The following ZNRF2 variants were observed in gnomAD, a reference collection of about 807,000 sequenced individuals.
The protein encoded by ZNRF2 is E3 ubiquitin-protein ligase ZNRF2.
Under a neutral mutation model 20.4 loss-of-function variants are expected in ZNRF2, and 16 were observed. The ratio of observed to expected loss-of-function variants is 0.79; its 90% CI spans 0.53 to 1.19. The LOEUF is 1.19. Among genes scored for constraint, ZNRF2 ranks in the 50% most tolerant of loss-of-function variants. The probability of loss-of-function intolerance (pLI) is 0.00; values close to 1 mark genes in which losing one functional copy is unlikely to be tolerated. For synonymous variants in ZNRF2, 178 were observed against 144.9 expected, an observed-to-expected ratio of 1.23 and a Z score of -1.64; for missense variants, 363 against 332.4, an observed-to-expected ratio of 1.09 and a Z score of -0.72.
intron 4 of ZNRF2, among the ~76,000 whole-genome samples, chr7:30,365,408 T>C (rs1362493077): frequency 6.6e-6 from 1 of 151,972 alleles, no homozygotes; most frequent in Non-Finnish European, 1.5e-5. Flanking sequence ...GCCTACTACA[T>C]GGGCAGGGTG....
At chr7:30,341,921 ATATT>A (rs1349468109) in intron 2 of ZNRF2, among the ~76,000 whole-genome samples, 1 of 152,110 alleles carries the variant, frequency 6.6e-6, no homozygotes, top group Non-Finnish European at 1.5e-5. Context: ...GGGTGCATAT[ATATT>A]TAGGATAGTT....
chr7:30,328,053 T>C (rs1799581083), intron 2 of ZNRF2, among the ~76,000 whole-genome samples: 1 of 152,162 alleles, frequency 6.6e-6, no homozygotes, highest in South Asian at 2.1e-4. Context: ...TGGACTGATT[T>C]GGAGGGTTAC....
At chr7:30,334,621 G>T (rs888025729) in intron 2 of ZNRF2, among the ~76,000 whole-genome samples, 1 of 151,966 alleles carries the variant, frequency 6.6e-6, no homozygotes, top group South Asian at 2.1e-4. Flanking sequence ...TTTTTCTTTC[G>T]ATATTTTATT....
intron 1 of ZNRF2, among the ~76,000 whole-genome samples, chr7:30,294,364 A>G (rs1474113395): frequency 6.6e-6 from 1 of 152,190 alleles, no homozygotes; most frequent in Non-Finnish European, 1.5e-5. Flanking sequence ...AATCAGTTCT[A>G]TCGGGGAATA....
At chr7:30,294,786 GA>G (rs530331464) in intron 1 of ZNRF2, among the ~76,000 whole-genome samples, 2 of 150,464 alleles carry the variant, frequency 1.3e-5, no homozygotes, top group African/African-American at 2.4e-5. Context: ...CTCCATCTCA[GA>G]AAAAAAAAGT....
At chr7:30,316,893 AATGAG>A (rs1174981243) in intron 1 of ZNRF2, among the ~76,000 whole-genome samples, 2 of 152,218 alleles carry the variant, frequency 1.3e-5, no homozygotes, top group Non-Finnish European at 2.9e-5. Flanking sequence ...CCTACCAGTA[AATGAG>A]ATAAGTTCAT....
chr7:30,353,584 TTA>T (rs930001206), intron 2 of ZNRF2, among the ~76,000 whole-genome samples: 5 of 152,152 alleles, frequency 3.3e-5, no homozygotes, highest in Non-Finnish European at 7.4e-5. Context: ...ATTCTGTTAA[TTA>T]TAGGCAGGTT....
intron 2 of ZNRF2, among the ~76,000 whole-genome samples, chr7:30,335,520 G>A (rs1042041036): frequency 6.6e-6 from 1 of 152,030 alleles, no homozygotes; most frequent in African/African-American, 2.4e-5. Flanking sequence ...GCCCACATCT[G>A]TCCGCAGTTT....
At chr7:30,351,037 C>CT (rs761399972) in intron 2 of ZNRF2, among the ~76,000 whole-genome samples, 174 of 133,196 alleles carry the variant, frequency 1.3e-3, no homozygotes, top group South Asian at 2.2e-3. Flanking sequence ...TGGCTGTTTG[C>CT]TTTTTTTTTT....
chr7:30,360,979 A>G (rs1399657688), intron 3 of ZNRF2, among the ~76,000 whole-genome samples: 2 of 152,238 alleles, frequency 1.3e-5, no homozygotes, highest in Non-Finnish European at 2.9e-5. Flanking sequence ...AAATGAATAT[A>G]GCCTAGAATG....
chr7:30,294,611 C>T (rs926565620), intron 1 of ZNRF2, among the ~76,000 whole-genome samples: 1 of 151,958 alleles, frequency 6.6e-6, no homozygotes, highest in Admixed American at 6.6e-5. Flanking sequence ...GGTGAAACCC[C>T]ATCTCTACTA....
intron 1 of ZNRF2, among the ~76,000 whole-genome samples, chr7:30,295,551 A>G (rs1178034034): frequency 6.6e-6 from 1 of 152,094 alleles, no homozygotes; most frequent in African/African-American, 2.4e-5. Flanking sequence ...TTCTACCAAA[A>G]ATACAAAAAT....
chr7:30,302,566 A>G (rs973421255), intron 1 of ZNRF2, among the ~76,000 whole-genome samples: 8 of 150,832 alleles, frequency 5.3e-5, no homozygotes, highest in African/African-American at 2.0e-4. Flanking sequence ...TAATTTTGTT[A>G]CCAAATTAGT....
intron 1 of ZNRF2, among the ~76,000 whole-genome samples, chr7:30,291,139 C>A (rs909383751): frequency 2.0e-5 from 3 of 152,062 alleles, no homozygotes; most frequent in African/African-American, 7.2e-5. Flanking sequence ...AAAGAAAAAT[C>A]CACAAAAGTG....
At chr7:30,359,479 A>AT (rs1330954852) in intron 3 of ZNRF2, among the ~76,000 whole-genome samples, 1 of 152,202 alleles carries the variant, frequency 6.6e-6, no homozygotes, top group Non-Finnish European at 1.5e-5. Context: ...ACAATATAAT[A>AT]ACAGGATCTT....
chr7:30,332,721 G>C (rs1799655060), intron 2 of ZNRF2, among the ~76,000 whole-genome samples: 1 of 152,056 alleles, frequency 6.6e-6, no homozygotes, highest in Admixed American at 6.6e-5. Context: ...TTTTTTTATG[G>C]CTGTGTAGTA....
chr7:30,297,522 T>C (rs1429037277), intron 1 of ZNRF2, among the ~76,000 whole-genome samples: 1 of 152,206 alleles, frequency 6.6e-6, no homozygotes, highest in African/African-American at 2.4e-5. Context: ...TGACTTGATA[T>C]AGAATTCTAG....
intron 4 of ZNRF2, 104 bp from the exon 5 acceptor site, chr7:30,365,931 C>CA (rs1800207140): frequency 6.6e-6 from 1 of 152,102 alleles, no homozygotes; most frequent in Admixed American, 6.5e-5. Context: ...TTAATCTGTT[C>CA]TTCTCCAGAT....
intron 2 of ZNRF2, among the ~76,000 whole-genome samples, chr7:30,341,419 A>G (rs1583590180): frequency 1.3e-5 from 2 of 152,140 alleles, no homozygotes; most frequent in Non-Finnish European, 2.9e-5. Flanking sequence ...TGGGTCCCAG[A>G]GATTCCAGTA....
Sources: gnomAD v4.1 joint callset for allele counts (sites outside exome capture counted in the v4.1 genomes callset) on GRCh38, gnomAD v4.1.1 for gene constraint, MANE v1.5 for transcripts, NCBI Gene and HGNC (gene_info 2026-07-23, HGNC 2026-07-21) for gene names.